The following NEBL variants were observed in gnomAD, a reference collection of about 807,000 sequenced individuals.
NEBL encodes LIM and SH3 protein 2.
In NEBL, 122 loss-of-function variants were observed where a neutral mutation model predicts 140.2. The observed-to-expected ratio is 0.87, with a 90% CI of 0.75 to 1.01. The LOEUF (loss-of-function observed/expected upper bound fraction) is 1.01. Among genes scored for constraint, NEBL ranks in the 50% least tolerant of loss-of-function variants. The pLI is 0.00. For synonymous variants in NEBL, 436 were observed against 398.9 expected, an observed-to-expected ratio of 1.09 and a Z score of -1.11; for missense variants, 1,365 against 1,231.3, an observed-to-expected ratio of 1.11 and a Z score of -1.62.
In NEBL at chr10:20,869,779, GTCTGGTCGGTCAAGT is replaced by G; in HGVS notation, c.528_542del (p.Glu176_Pro180del). The G allele has an allele frequency of 6.2e-7, 1 of 1,613,502 alleles. No individual in the cohort carries two copies. Among genetic ancestry groups the G allele is most frequent in the Non-Finnish European group, 8.5e-7 (1 of 1,179,486 alleles). ...TAGAGATCTGGGTTGCCATCTTGAT[GTCTGGTCGGTCAAGT>G]TCTGCACTGTACGTGTGGGTGTCCT... On this transcript the variant is annotated inframe_deletion, in exon 6 of 28. Coordinates refer to ENST00000377122, the MANE Select transcript of NEBL (RefSeq NM_006393.3).
chr10:20,858,484 G>A (rs1843326536), intron 8 of NEBL, 140 bp from the exon 9 acceptor site: 1 of 731,190 alleles, frequency 1.4e-6, no homozygotes, highest in Non-Finnish European at 2.4e-6. Flanking sequence ...CCACTAGATG[G>A]TGCTGATTTA....
intron 3 of NEBL, among the ~76,000 whole-genome samples, chr10:20,967,790 G>T (rs185505046): frequency 2.0e-5 from 3 of 152,078 alleles, no homozygotes; most frequent in Non-Finnish European, 4.4e-5. Flanking sequence ...GAATTCACAC[G>T]TTATCTTTTT....
At chr10:21,172,568 G>T (rs1016281314) in intron 1 of NEBL, 1 of 860,810 alleles carries the variant, frequency 1.2e-6, no homozygotes, top group Non-Finnish European at 1.9e-6. Context: ...GTGCATCACA[G>T]TCCCTGTAGC....
At chr10:21,142,905 C>T (rs1839707366) in intron 2 of NEBL, among the ~76,000 whole-genome samples, 1 of 152,148 alleles carries the variant, frequency 6.6e-6, no homozygotes, top group Non-Finnish European at 1.5e-5. Context: ...AACCACAAAA[C>T]CTGTCCCTGG....
chr10:21,016,157 T>C (rs1167501397), intron 3 of NEBL, among the ~76,000 whole-genome samples: 1 of 152,252 alleles, frequency 6.6e-6, no homozygotes, highest in Non-Finnish European at 1.5e-5. Flanking sequence ...CTAGTAACTA[T>C]AAAAGGGCTT....
chr10:20,927,458 A>G (rs556045838), intron 4 of NEBL, among the ~76,000 whole-genome samples: 1 of 152,354 alleles, frequency 6.6e-6, no homozygotes, highest in South Asian at 2.1e-4. Flanking sequence ...AATAAGACAC[A>G]TAAAAGAGTT....
chr10:21,051,201 C>G (rs1834766108), intron 2 of NEBL, among the ~76,000 whole-genome samples: 1 of 152,204 alleles, frequency 6.6e-6, no homozygotes, highest in Non-Finnish European at 1.5e-5. Context: ...AGAAGCCAAT[C>G]AGAGCTTTGC....
Position 20,835,506 on chromosome 10 carries a change from TACTA to T in NEBL, c.1449+3_1449+6del. On this transcript the variant is annotated splice_donor_5th_base_variant and intron_variant, in intron 14 of 27. Coordinates refer to ENST00000377122, the MANE Select transcript of NEBL (RefSeq NM_006393.3). ...GTCTTAAGGCCTGCATCACGCACCC[TACTA>T]ACCTCACTCGCTATCTCTGCAGCCT... The T allele has an allele frequency of 6.3e-7, 1 of 1,599,564 alleles. No individual in the cohort carries two copies. The highest frequency in any genetic ancestry group is 8.6e-7 in the Non-Finnish European group (1 of 1,168,986).
chr10:21,166,306 A>G (rs542245431), intron 2 of NEBL, among the ~76,000 whole-genome samples: 1 of 151,980 alleles, frequency 6.6e-6, no homozygotes, highest in African/African-American at 2.4e-5. Flanking sequence ...GTATCACTGA[A>G]AAAAAAGTTT....
chr10:20,840,469 C>T (rs374147107), intron 13 of NEBL, among the ~76,000 whole-genome samples: 1 of 152,024 alleles, frequency 6.6e-6, no homozygotes, highest in Admixed American at 6.6e-5. Context: ...TGCCTTTTAC[C>T]TGCTTAAAAG....
chr10:21,085,309 T>G (rs956371952), intron 2 of NEBL, among the ~76,000 whole-genome samples: 8 of 152,174 alleles, frequency 5.3e-5, no homozygotes, highest in African/African-American at 1.9e-4. Context: ...AATTGTGCAT[T>G]TTCAGTTAAT....
intron 3 of NEBL, among the ~76,000 whole-genome samples, chr10:21,192,173 T>C (rs1564540232): frequency 6.6e-6 from 1 of 151,872 alleles, no homozygotes. Flanking sequence ...TCATTCCCTC[T>C]CCTAATTTGA....
chr10:20,839,223 C>T (rs952476507), intron 13 of NEBL, among the ~76,000 whole-genome samples: 14 of 152,200 alleles, frequency 9.2e-5, no homozygotes, highest in African/African-American at 3.4e-4. Context: ...TCAACTGCAT[C>T]TGTCTGTACT....
At chr10:20,904,810 T>C (rs746290753) in intron 4 of NEBL, among the ~76,000 whole-genome samples, 7 of 152,240 alleles carry the variant, frequency 4.6e-5, no homozygotes, top group African/African-American at 1.4e-4. Context: ...AGTGGATTTA[T>C]TGAAGAAGCT....
At chr10:20,832,037 C>T (rs369276555) in intron 14 of NEBL, among the ~76,000 whole-genome samples, 5 of 152,148 alleles carry the variant, frequency 3.3e-5, no homozygotes, top group African/African-American at 1.2e-4. Flanking sequence ...AATGTTCCCA[C>T]TCCTAAACCA....
At chr10:20,955,180 C>T (rs773305471) in intron 4 of NEBL, among the ~76,000 whole-genome samples, 36 of 152,162 alleles carry the variant, frequency 2.4e-4, no homozygotes, top group Non-Finnish European at 4.8e-4. Context: ...GTATAAAGCA[C>T]CATCTGGTGC....
intron 4 of NEBL, among the ~76,000 whole-genome samples, chr10:20,935,267 A>G (rs1486249775): frequency 2.0e-5 from 3 of 152,250 alleles, no homozygotes; most frequent in Non-Finnish European, 4.4e-5. Context: ...CAAAGATCAC[A>G]ACATAGATTC....
chr10:21,148,538 TG>T (rs1301713997), intron 2 of NEBL, among the ~76,000 whole-genome samples: 2 of 152,166 alleles, frequency 1.3e-5, no homozygotes, highest in African/African-American at 4.8e-5. Context: ...TTTTTGTTTT[TG>T]TTTTTTAGAC....
chr10:21,017,050 G>A (rs980679455), intron 3 of NEBL, among the ~76,000 whole-genome samples: 2 of 152,144 alleles, frequency 1.3e-5, no homozygotes, highest in Admixed American at 6.5e-5. Flanking sequence ...AGGGGACCAG[G>A]GTACTGGTGA....
Sources: allele counts gnomAD v4.1 joint callset (sites outside exome capture counted in the v4.1 genomes callset), GRCh38; gene constraint gnomAD v4.1.1; transcripts MANE v1.5; gene names NCBI Gene and HGNC (gene_info 2026-07-23, HGNC 2026-07-21).